Variants in UBN1 observed in about 807,000 individuals in gnomAD.
The protein encoded by UBN1 is ubinuclein 1, also known as ubinuclein-1.
UBN1 carries 17 observed loss-of-function variants against 108.5 expected under a neutral mutation model. The observed-to-expected ratio is 0.16, with a 90% CI of 0.11 to 0.24. The LOEUF (loss-of-function observed/expected upper bound fraction) is 0.24. Ranked by LOEUF, UBN1 falls within the 10% of genes least tolerant of loss-of-function variation. The pLI is 1.00. For missense variants in UBN1, 1,595 were observed against 1,394.4 expected, an observed-to-expected ratio of 1.14 and a Z score of -2.29; for synonymous variants, 726 against 564.2, an observed-to-expected ratio of 1.29 and a Z score of -4.07.
intron 12 of UBN1, 146 bp from the exon 13 acceptor site, chr16:4,872,738 G>T: frequency 2.2e-6 from 2 of 904,456 alleles, no homozygotes; most frequent in Non-Finnish European, 1.7e-6. Context: ...AAAAGTGCTG[G>T]GATTACAGGC....
In UBN1 at chr16:4,864,991, T is replaced by C. The variant is rs28572471; in HGVS notation, c.1111-3842T>C. On this transcript the variant is annotated intron_variant, in intron 7 of 17. Coordinates refer to ENST00000262376, the MANE Select transcript of UBN1 (RefSeq NM_001079514.3). ...GGGTGCTAAAAGGCTACAGGTGACTTTTCTTAGAATAAATAAAACAGCTCA... is the reference window on the plus strand; with the variant it reads ...GGGTGCTAAAAGGCTACAGGTGACTCTTCTTAGAATAAATAAAACAGCTCA... 8.9e-3 allele frequency among the ~76,000 whole-genome samples: 1,360 copies of C among 152,322 alleles called. 17 individuals carry two copies. The highest frequency in any genetic ancestry group is 0.031 in the African/African-American group (1,301 of 41,562).
chr16:4,871,508 G>T (rs1162303930), intron 12 of UBN1, among the ~76,000 whole-genome samples: 7 of 149,714 alleles, frequency 4.7e-5, no homozygotes, highest in Non-Finnish European at 8.9e-5. Context: ...TGCCTCCAGG[G>T]TTTTGTTTTT....
intron 11 of UBN1, 86 bp from the exon 12 acceptor site, chr16:4,871,069 C>A (rs868052229): frequency 6.2e-7 from 1 of 1,602,610 alleles, no homozygotes; most frequent in Non-Finnish European, 8.5e-7. Context: ...CATTTACTTT[C>A]ATCAGGGCTG....
rs1248659894 is a variant in UBN1, at chr16:4,856,214, A to C, written c.250-1776A>C. On this transcript the variant is annotated intron_variant, in intron 2 of 17. Coordinates refer to ENST00000262376, the MANE Select transcript of UBN1 (RefSeq NM_001079514.3). ...ATTAGAACTCCAGTGCTCTGATGTC[A>C]CCTTTTTGGGGACTACAGATGCCCT... 5.3e-5 allele frequency among the ~76,000 whole-genome samples: 8 copies of C among 152,184 alleles called. 1 individual carries two copies.
chr16:4,877,773 T>G lies in UBN1; in HGVS notation c.3355+299T>G. 3 of 1,083,726 alleles carry G rather than the reference T, an allele frequency of 2.8e-6. No homozygotes were observed. Among genetic ancestry groups the G allele is most frequent in the Non-Finnish European group, 3.3e-6 (3 of 896,800 alleles). 67.1% of individuals were successfully genotyped at this position (1,083,726 alleles called of 1,614,324 possible). On this transcript the variant is annotated intron_variant, in intron 17 of 17. Transcript: ENST00000262376. The surrounding 1 kb of genome is among the most constrained non-coding windows in gnomAD (Gnocchi z 4.3). ...TGTGCGGTGGAGGAGTTCCTAACCC[T>G]CGGCTTGTTTTTTTCTCTTCAGTTT... is the stretch of plus-strand genomic sequence containing the variant.
intron 15 of UBN1, 111 bp from the exon 16 acceptor site, chr16:4,876,749 ACATGGATGTGT>A: frequency 6.8e-7 from 1 of 1,464,512 alleles, no homozygotes; most frequent in East Asian, 2.3e-5. Flanking sequence ...GGGCCATCTG[ACATGGATGTGT>A]ATGTCCTCCT....
intron 2 of UBN1, among the ~76,000 whole-genome samples, chr16:4,854,097 C>T (rs1206950776): frequency 1.3e-5 from 2 of 148,892 alleles, no homozygotes; most frequent in Non-Finnish European, 3.0e-5. Flanking sequence ...GCAGTGGCAC[C>T]ATCTTGTCTC....
In UBN1 at chr16:4,853,027, A is replaced by G; in HGVS notation, c.110A>G (p.Asp37Gly). The G allele has an allele frequency of 1.2e-6, 2 of 1,614,228 alleles. No individual in the cohort carries two copies. Among genetic ancestry groups the G allele is most frequent in the Non-Finnish European group, 1.7e-6 (2 of 1,180,048 alleles). Residue 37 changes from aspartate (D) to glycine (G), a missense_variant, in exon 2 of 18, where the codon GAC (aspartate) becomes GGC (glycine). This residue lies in a region of UBN1 where 181 missense variants were observed against 157.3 expected (regional missense o/e 1.15). Transcript: ENST00000262376. ...EEAGAGEQHQ[D>G]CEPAAAAVRI... ...GCTGGGGCAGGAGAACAGCATCAGGACTGTGAGCCGGCTGCAGCAGCTGTT... is the reference window on the plus strand; with the variant it reads ...GCTGGGGCAGGAGAACAGCATCAGGGCTGTGAGCCGGCTGCAGCAGCTGTT...
At chr16:4,860,273 T>C (rs1280231650) in intron 6 of UBN1, among the ~76,000 whole-genome samples, 1 of 152,206 alleles carries the variant, frequency 6.6e-6, no homozygotes, top group African/African-American at 2.4e-5. Context: ...CCTTGTTGTC[T>C]ATGGTCATGC....
intron 1 of UBN1, among the ~76,000 whole-genome samples, chr16:4,848,657 C>T (rs1304857108): frequency 2.0e-5 from 3 of 152,182 alleles, no homozygotes; most frequent in Admixed American, 1.3e-4. Context: ...CACGGACTGT[C>T]ATTTACTGCG....
intron 8 of UBN1, 88 bp from the exon 9 acceptor site, chr16:4,870,124 C>A: frequency 6.3e-7 from 1 of 1,579,450 alleles, no homozygotes; most frequent in Non-Finnish European, 8.6e-7. Context: ...GCCGTTGGCT[C>A]CTAGCTTTCC....
Position 4,877,029 on chromosome 16 carries a change from C to G in UBN1, c.3183C>G (p.Asp1061Glu). The change falls in exon 16 of 18, where the codon GAC becomes GAG. Residue 1061 changes from aspartate (D) to glutamate (E), a missense_variant. This residue lies in a region of UBN1 where 1,398 missense variants were observed against 1,194.7 expected (regional missense o/e 1.17). Transcript: ENST00000262376. The surrounding 1 kb of genome is among the most constrained non-coding windows in gnomAD (Gnocchi z 4.3). ...TCCATGTGCTCTCCTTCAGCGCTGA[C>G]TCCTCTGCCAAAGCAGGGGTCTCCA... ...IPVHVLSFSA[D>E]SSAKAGVSKD... The G allele has an allele frequency of 6.2e-7, 1 of 1,614,244 alleles. No homozygotes were observed. The highest frequency in any genetic ancestry group is 8.5e-7 in the Non-Finnish European group (1 of 1,180,046).
chr16:4,860,528 A>T (rs2087011673), intron 6 of UBN1, 136 bp from the exon 7 acceptor site: 2 of 890,618 alleles, frequency 2.2e-6, no homozygotes, highest in Non-Finnish European at 3.5e-6. Flanking sequence ...TGCCAAGAGG[A>T]GGGAGGAGGA....
At position 4,874,347 on chromosome 16, in the gene UBN1, C is replaced by T. The variant is rs768566263; in HGVS notation, c.1937C>T (p.Ser646Leu). The T allele has an allele frequency of 5.9e-5, 95 of 1,613,992 alleles. No homozygotes were observed. Among genetic ancestry groups the T allele is most frequent in the Non-Finnish European group, 7.3e-5 (86 of 1,180,044 alleles). ...ASSRELPSQA[S>L]GGLANPPPVN... Reference sequence around the variant, plus strand: ...AGCAGGGAGCTCCCATCCCAGGCATCGGGCGGCCTTGCTAACCCTCCTCCT... The same window carrying T: ...AGCAGGGAGCTCCCATCCCAGGCATTGGGCGGCCTTGCTAACCCTCCTCCT... The change falls in exon 15 of 18, where the codon TCG becomes TTG. Residue 646 changes from serine to leucine, a missense_variant. Around this residue, in one of 3 missense-constraint regions of UBN1, gnomAD observed 1,398 missense variants for 1,194.7 expected, o/e 1.17. Coordinates refer to ENST00000262376, the MANE Select transcript of UBN1 (RefSeq NM_001079514.3).
In UBN1 at chr16:4,874,876, A is replaced by G. The variant is rs747608299; in HGVS notation, c.2466A>G (p.Pro822=). Residue 822 remains proline (P), a synonymous_variant, in exon 15 of 18, where the codon CCA becomes CCG. Coordinates refer to ENST00000262376, the MANE Select transcript of UBN1 (RefSeq NM_001079514.3). ...QQQKNFTPPS[P]FANKLQGPKA... ...AGAAAAACTTCACGCCCCCATCTCC[A>G]TTTGCCAATAAGCTCCAAGGCCCAA... 8.7e-6 allele frequency: 14 copies of G among 1,613,926 alleles called. No homozygotes were observed. The Middle Eastern group carries it at 1.8e-3, about 209-fold the overall frequency.
intron 1 of UBN1, chr16:4,852,399 A>G (rs1231386941): frequency 6.5e-6 from 1 of 154,460 alleles, no homozygotes; most frequent in African/African-American, 2.4e-5. Context: ...CTCCTGAGTC[A>G]CTGGTTCTTT....
intron 8 of UBN1, among the ~76,000 whole-genome samples, chr16:4,869,479 G>A (rs1255820661): frequency 1.3e-5 from 2 of 152,232 alleles, no homozygotes; most frequent in African/African-American, 4.8e-5. Context: ...TTGTGGCCTG[G>A]CCTGCAGTGT....
At position 4,877,877 on chromosome 16, in the gene UBN1, C is replaced by G. The variant is rs1258857774; in HGVS notation, c.3355+403C>G. 1.0e-6 allele frequency: 1 copy of G among 963,458 alleles called. No homozygotes were observed. Among genetic ancestry groups the G allele is most frequent in the Non-Finnish European group, 1.2e-6 (1 of 808,272 alleles). 59.7% of individuals were successfully genotyped at this position (963,458 alleles called of 1,614,324 possible). A position where few individuals can be genotyped will look rare whatever the true frequency, so the allele number is the denominator to read the frequency against. Reference sequence around the variant, plus strand: ...GTACAACAAGGTCTTGGAATGCAAGCTGCTCCACTGTCAGATGTGATTGCT... The same window carrying G: ...GTACAACAAGGTCTTGGAATGCAAGGTGCTCCACTGTCAGATGTGATTGCT... On this transcript the variant is annotated intron_variant, in intron 17 of 17. Transcript: ENST00000262376. The surrounding 1 kb of genome is among the most constrained non-coding windows in gnomAD (Gnocchi z 4.3).
intron 10 of UBN1, 33 bp from the exon 11 acceptor site, chr16:4,870,811 T>C (rs369152988): frequency 4.4e-4 from 710 of 1,612,190 alleles, no homozygotes; most frequent in Non-Finnish European, 5.8e-4. Context: ...CAGGAGCACC[T>C]TGGGGCCCCA....
Sources: gnomAD v4.1 joint callset for allele counts (sites outside exome capture counted in the v4.1 genomes callset) on GRCh38, gnomAD v4.1.1 for gene constraint, gnomAD v4.1.1 regional missense constraint, Gnocchi (gnomAD v3.1) non-coding constraint, MANE v1.5 for transcripts, NCBI Gene and HGNC (gene_info 2026-07-23, HGNC 2026-07-21) for gene names.